PARD3B: variants seen among roughly 807,000 people sequenced by gnomAD.
PARD3B encodes the protein partitioning defective 3 homolog B.
A neutral mutation model predicts 130.2 loss-of-function variants in PARD3B; 103 were observed. The ratio of observed to expected loss-of-function variants is 0.79; its 90% CI spans 0.67 to 0.93. PARD3B has a LOEUF of 0.93. Ranked by LOEUF, PARD3B falls within the 40% of genes least tolerant of loss-of-function variation. PARD3B has a pLI of 0.00. For missense variants in PARD3B, 1,609 were observed against 1,499.2 expected (o/e 1.07, Z -1.21); for synonymous variants, 583 against 553.2 (o/e 1.05, Z -0.76).
chr2:204,761,563 A>G (rs1553518677), intron 2 of PARD3B, among the ~76,000 whole-genome samples: 1 of 150,166 alleles, frequency 6.7e-6, no homozygotes, highest in African/African-American at 2.4e-5. Flanking sequence ...GTTTTTTTTT[A>G]AATAAGGGGA....
chr2:205,484,455 G>C (rs764144676), intron 20 of PARD3B, among the ~76,000 whole-genome samples: 18 of 152,276 alleles, frequency 1.2e-4, no homozygotes, highest in South Asian at 2.1e-4. Context: ...TGTGAAACTC[G>C]TGTCAATTAA....
intron 2 of PARD3B, among the ~76,000 whole-genome samples, chr2:204,724,571 T>A (rs2039136433): frequency 6.6e-6 from 1 of 152,148 alleles, no homozygotes; most frequent in African/African-American, 2.4e-5. Flanking sequence ...AAAATTCTCT[T>A]CCAGGAATTC....
At chr2:205,149,556 A>C (rs796371011) in intron 10 of PARD3B, among the ~76,000 whole-genome samples, 1 of 152,192 alleles carries the variant, frequency 6.6e-6, no homozygotes, top group African/African-American at 2.4e-5. Context: ...CATTCTGACC[A>C]ACTAAGTGTT....
chr2:205,474,118 T>C (rs2048943964), intron 20 of PARD3B, among the ~76,000 whole-genome samples: 1 of 152,070 alleles, frequency 6.6e-6, no homozygotes, highest in Non-Finnish European at 1.5e-5. Context: ...ACCAAGTTTC[T>C]GTCCCACTGT....
Position 205,288,371 on chromosome 2 carries a change from T to A in PARD3B, c.2186-12159T>A, listed in dbSNP as rs1292333636. The stretch of plus-strand genomic sequence containing the variant: ...ATGTATATGAAGAAATTAGAAGAAA[T>A]TTGAAATTGTAAAAAGAAAGGAAGA... On this transcript the variant is annotated intron_variant, in intron 16 of 22. Coordinates refer to ENST00000406610, the MANE Select transcript of PARD3B (RefSeq NM_001302769.2). This position sits in a 1 kb window ranked among gnomAD's most constrained non-coding sequence, Gnocchi z 4.0. Among the ~76,000 whole-genome samples, 1 of 152,166 alleles carries A rather than the reference T, an allele frequency of 6.6e-6. No individual in the cohort carries two copies. The highest frequency in any genetic ancestry group is 1.5e-5 in the Non-Finnish European group (1 of 68,028).
rs376832219 is a variant in PARD3B, at chr2:205,226,335, C to T, written c.2141-19443C>T. Among the ~76,000 whole-genome samples the T allele has an allele frequency of 8.5e-5, 13 of 152,256 alleles. No homozygotes were observed. The South Asian group carries it at 2.1e-3, about 24-fold the overall frequency. On this transcript the variant is annotated intron_variant, in intron 15 of 22. Transcript: ENST00000406610. Reference sequence around the variant, plus strand: ...GATCACAGGCATGAGCCACCACGCCCGGCCAAAAAAGCTTTTTAATTTGAT... The same window carrying T: ...GATCACAGGCATGAGCCACCACGCCTGGCCAAAAAAGCTTTTTAATTTGAT...
At chr2:204,680,180 A>G (rs546937321) in intron 1 of PARD3B, among the ~76,000 whole-genome samples, 3 of 152,022 alleles carry the variant, frequency 2.0e-5, no homozygotes, top group African/African-American at 7.2e-5. Context: ...TTTACCTGTG[A>G]TGTCATCTGA....
At chr2:204,932,308 G>C (rs1688090525) in intron 2 of PARD3B, among the ~76,000 whole-genome samples, 1 of 151,906 alleles carries the variant, frequency 6.6e-6, no homozygotes, top group South Asian at 2.1e-4. Flanking sequence ...TTCTGATTAT[G>C]TTTCATCTGT....
Position 204,967,423 on chromosome 2 carries a change from C to G in PARD3B, c.394+2100C>G, listed in dbSNP as rs1433480828. Among the ~76,000 whole-genome samples, 1 of 152,136 alleles carries G rather than the reference C, an allele frequency of 6.6e-6. No individual in the cohort carries two copies. Among genetic ancestry groups the G allele is most frequent in the Non-Finnish European group, 1.5e-5 (1 of 68,028 alleles). ...GTGCTTTCTCCAGTCCCTACTGTTG[C>G]CAGAGCTGCCTTTCTAAATCACAAA... On this transcript the variant is annotated intron_variant, in intron 3 of 22. Coordinates refer to ENST00000406610, the MANE Select transcript of PARD3B (RefSeq NM_001302769.2). The surrounding 1 kb of genome is among the most constrained non-coding windows in gnomAD (Gnocchi z 4.4).
At position 205,015,889 on chromosome 2, in the gene PARD3B, T is replaced by C. The variant is rs966223666; in HGVS notation, c.395-31692T>C. On this transcript the variant is annotated intron_variant, in intron 3 of 22. Transcript: ENST00000406610. The surrounding 1 kb of genome is among the most constrained non-coding windows in gnomAD (Gnocchi z 4.5). ...CTTATTATGTAAGCTTGCTTGCTGA[T>C]GTCTGAAACCTGCAGCCTTGCCTGC... 2.6e-5 allele frequency among the ~76,000 whole-genome samples: 4 copies of C among 152,332 alleles called. No individual in the cohort carries two copies. The highest frequency in any genetic ancestry group is 9.6e-5 in the African/African-American group (4 of 41,582).
chr2:204,784,495 A>G (rs948576105), intron 2 of PARD3B, among the ~76,000 whole-genome samples: 5 of 152,198 alleles, frequency 3.3e-5, no homozygotes, highest in East Asian at 3.9e-4. Context: ...GTACTTGCCC[A>G]ATGTGGGGAC....
At chr2:205,402,586 A>G (rs2046289630) in intron 19 of PARD3B, among the ~76,000 whole-genome samples, 1 of 152,178 alleles carries the variant, frequency 6.6e-6, no homozygotes, top group Non-Finnish European at 1.5e-5. Flanking sequence ...TTGATAACCC[A>G]TAAAATAAGG....
intron 2 of PARD3B, among the ~76,000 whole-genome samples, chr2:204,793,068 T>G (rs2042252088): frequency 6.6e-6 from 1 of 152,176 alleles, no homozygotes; most frequent in Non-Finnish European, 1.5e-5. Context: ...AGACCAATTT[T>G]TTGTTTAATC....
At chr2:204,878,570 G>C (rs2045929735) in intron 2 of PARD3B, among the ~76,000 whole-genome samples, 1 of 152,050 alleles carries the variant, frequency 6.6e-6, no homozygotes, top group Non-Finnish European at 1.5e-5. Flanking sequence ...TAATAAGAAT[G>C]AACTGTTAGT....
At chr2:205,120,848 C>T (rs944240764) in intron 7 of PARD3B, among the ~76,000 whole-genome samples, 1 of 152,198 alleles carries the variant, frequency 6.6e-6, no homozygotes, top group African/African-American at 2.4e-5. Context: ...TTTATATCTT[C>T]TGGGCAAGAA....
intron 2 of PARD3B, among the ~76,000 whole-genome samples, chr2:204,724,955 C>T (rs901237588): frequency 6.6e-5 from 10 of 151,926 alleles, no homozygotes; most frequent in South Asian, 2.1e-4. Flanking sequence ...TTGACTGGGC[C>T]GCTAGGCAGG....
rs2036158801 is a variant in PARD3B, at chr2:204,669,052, C to A, written c.121-17129C>A. On this transcript the variant is annotated intron_variant, in intron 1 of 22. Transcript: ENST00000406610. This position sits in a 1 kb window ranked among gnomAD's most constrained non-coding sequence, Gnocchi z 4.3. ...CTCCAGAAAGGAATTCAGGTCCACT[C>A]ACATCTTGATGTTCACCTAGTAAGA... 6.6e-6 allele frequency among the ~76,000 whole-genome samples: 1 copy of A among 152,164 alleles called. No homozygotes were observed. The highest frequency in any genetic ancestry group is 1.5e-5 in the Non-Finnish European group (1 of 68,028).
At chr2:204,930,792 A>T (rs1410914341) in intron 2 of PARD3B, among the ~76,000 whole-genome samples, 1 of 152,032 alleles carries the variant, frequency 6.6e-6, no homozygotes, top group Non-Finnish European at 1.5e-5. Context: ...TTGTTCAGAC[A>T]GTTCTTTCTT....
intron 2 of PARD3B, among the ~76,000 whole-genome samples, chr2:204,794,831 T>C (rs1453435730): frequency 4.6e-5 from 7 of 152,266 alleles, no homozygotes; most frequent in Non-Finnish European, 1.0e-4. Flanking sequence ...CACTGAGTTC[T>C]ATTATACATG....
Sources: gnomAD v4.1 joint callset for allele counts (sites outside exome capture counted in the v4.1 genomes callset) on GRCh38, gnomAD v4.1.1 for gene constraint, Gnocchi (gnomAD v3.1) non-coding constraint, MANE v1.5 for transcripts, NCBI Gene and HGNC (gene_info 2026-07-23, HGNC 2026-07-21) for gene names.